Variants in ELOC observed in about 807,000 individuals in gnomAD.
ELOC encodes the protein elongin C.
For synonymous variants in ELOC, 40 were observed against 51.3 expected (o/e 0.78, Z 0.94); for missense variants, 38 against 139.0 (o/e 0.27, Z 3.65).
chr8:73,954,519 TGG>T (rs1814010871), intron 3 of ELOC, among the ~76,000 whole-genome samples: 1 of 151,148 alleles, frequency 6.6e-6, no homozygotes. Context: ...GCCTGGCGTG[TGG>T]TGGGCACCTG....
chr8:73,948,313 G>A (rs1317153639), intron 3 of ELOC, among the ~76,000 whole-genome samples: 9 of 152,028 alleles, frequency 5.9e-5, no homozygotes, highest in African/African-American at 1.2e-4. Flanking sequence ...TATGATTGGC[G>A]AGCAGGATGA....
intron 1 of ELOC, among the ~76,000 whole-genome samples, chr8:73,967,736 G>A (rs1815091203): frequency 6.6e-6 from 1 of 152,128 alleles, no homozygotes; most frequent in Admixed American, 6.5e-5. Context: ...CCAAAGTGCT[G>A]GGATTACAGG....
chr8:73,955,873 A>C (rs2131112672), intron 3 of ELOC, 38 bp downstream of exon 3: 1 of 1,565,950 alleles, frequency 6.4e-7, no homozygotes, highest in East Asian at 2.3e-5. Context: ...CAAACATTAA[A>C]AGTGAATATA....
intron 1 of ELOC, among the ~76,000 whole-genome samples, chr8:73,967,679 G>A (rs1486362844): frequency 6.6e-6 from 1 of 152,054 alleles, no homozygotes. Context: ...ATTTGGTCAG[G>A]CTGGTCTCAA....
At chr8:73,967,201 G>C (rs1815043238) in intron 1 of ELOC, among the ~76,000 whole-genome samples, 1 of 152,108 alleles carries the variant, frequency 6.6e-6, no homozygotes, top group South Asian at 2.1e-4. Context: ...TGCTTGGGAG[G>C]AATCTGTGGA....
At chr8:73,964,901 C>G (rs923235814) in intron 1 of ELOC, among the ~76,000 whole-genome samples, 1 of 151,880 alleles carries the variant, frequency 6.6e-6, no homozygotes, top group African/African-American at 2.4e-5. Context: ...GTGGTGCATA[C>G]CTGTAGCCCA....
In ELOC at chr8:73,946,548, T is replaced by C. The variant is rs1300797098; in HGVS notation, c.*82A>G. On this transcript the variant is annotated 3_prime_UTR_variant, in exon 4 of 4. Transcript: ENST00000520242. ...ATAGTTCAACTGCATACAGGCAACATGCTATATATGAAAAAGTTACTAACT... is the reference window on the plus strand; with the variant it reads ...ATAGTTCAACTGCATACAGGCAACACGCTATATATGAAAAAGTTACTAACT... 9.2e-7 allele frequency: 1 copy of C among 1,091,558 alleles called. No individual in the cohort carries two copies. The highest frequency in any genetic ancestry group is 1.3e-6 in the Non-Finnish European group (1 of 776,742). The allele number at this position is 1,091,558 out of a possible 1,614,324, so 67.6% of individuals were successfully genotyped here. A position where few individuals can be genotyped will look rare whatever the true frequency, so the allele number is the denominator to read the frequency against.
chr8:73,969,681 A>G (rs1325499380), intron 1 of ELOC: 2 of 152,156 alleles, frequency 1.3e-5, no homozygotes, highest in Admixed American at 1.3e-4. Flanking sequence ...ATCCTACCAA[A>G]ATTAGACACC....
Position 73,945,205 on chromosome 8 carries a change from C to T in ELOC, c.*1425G>A. On this transcript the variant is annotated 3_prime_UTR_variant, in exon 4 of 4. Coordinates refer to ENST00000520242, the MANE Select transcript of ELOC (RefSeq NM_005648.4). ...CGATCTCGGCTCACTGCCACCTCCA[C>T]CTCCCAGGTTCAAGCGATTCTCATG... 6.6e-6 allele frequency: 1 copy of T among 151,054 alleles called. No homozygotes were observed. The highest frequency in any genetic ancestry group is 1.5e-5 in the Non-Finnish European group (1 of 68,090). The allele number at this position is 151,054 out of a possible 1,614,324, so 9.4% of individuals were successfully genotyped here. A position where few individuals can be genotyped will look rare whatever the true frequency, so the allele number is the denominator to read the frequency against.
intron 1 of ELOC, among the ~76,000 whole-genome samples, chr8:73,969,898 A>G (rs1324928005): frequency 2.0e-5 from 3 of 152,236 alleles, no homozygotes; most frequent in African/African-American, 7.2e-5. Flanking sequence ...GAGGCTTGAA[A>G]TTCAGGCATT....
chr8:73,961,857 A>C (rs1187379373), intron 1 of ELOC, among the ~76,000 whole-genome samples: 1 of 152,042 alleles, frequency 6.6e-6, no homozygotes, highest in Non-Finnish European at 1.5e-5. Context: ...CAGGCCTAAG[A>C]AGCGGTAAAC....
At chr8:73,960,469 G>A (rs1048833250) in intron 1 of ELOC, among the ~76,000 whole-genome samples, 1 of 152,158 alleles carries the variant, frequency 6.6e-6, no homozygotes, top group African/African-American at 2.4e-5. Flanking sequence ...AAGGACTCAG[G>A]ACAAAAAGCT....
At chr8:73,968,830 C>T (rs1384232970) in intron 1 of ELOC, among the ~76,000 whole-genome samples, 1 of 152,236 alleles carries the variant, frequency 6.6e-6, no homozygotes, top group Non-Finnish European at 1.5e-5. Context: ...ATTTCAACTA[C>T]TTCACTTGGT....
intron 1 of ELOC, among the ~76,000 whole-genome samples, chr8:73,963,929 C>T (rs539345837): frequency 4.1e-4 from 62 of 151,766 alleles, no homozygotes; most frequent in African/African-American, 1.4e-3. Context: ...CCCGTCTCCA[C>T]GAAAAATACA....
At chr8:73,971,373 C>G (rs945951131) in intron 1 of ELOC, among the ~76,000 whole-genome samples, 1 of 152,194 alleles carries the variant, frequency 6.6e-6, no homozygotes, top group African/African-American at 2.4e-5. Context: ...TGCACTCTAG[C>G]CTGGGCAACA....
At chr8:73,952,421 T>C (rs545436912) in intron 3 of ELOC, among the ~76,000 whole-genome samples, 18 of 146,798 alleles carry the variant, frequency 1.2e-4, no homozygotes, top group Non-Finnish European at 2.2e-4. Flanking sequence ...TAAATAAATA[T>C]ATTAATTAAT....
chr8:73,966,667 T>G (rs1164906601), intron 1 of ELOC, among the ~76,000 whole-genome samples: 1 of 146,840 alleles, frequency 6.8e-6, no homozygotes, highest in Non-Finnish European at 1.5e-5. Flanking sequence ...TAAGTGGAGG[T>G]CTCCCTGTGT....
chr8:73,949,913 TC>T (rs1309539219), intron 3 of ELOC, among the ~76,000 whole-genome samples: 1 of 152,186 alleles, frequency 6.6e-6, no homozygotes, highest in Non-Finnish European at 1.5e-5. Context: ...TGATTTTTTT[TC>T]CCCTTAAAGT....
At chr8:73,958,346 G>A (rs752006413) in intron 2 of ELOC, among the ~76,000 whole-genome samples, 4 of 152,080 alleles carry the variant, frequency 2.6e-5, no homozygotes, top group African/African-American at 9.7e-5. Context: ...CTTATGTTAT[G>A]TAATAAATGT....
Sources: gnomAD v4.1 joint callset for allele counts (sites outside exome capture counted in the v4.1 genomes callset) on GRCh38, gnomAD v4.1.1 for gene constraint, MANE v1.5 for transcripts, NCBI Gene and HGNC (gene_info 2026-07-23, HGNC 2026-07-21) for gene names.